The following KLHL3 variants were observed in gnomAD, a reference collection of about 807,000 sequenced individuals.
KLHL3 encodes the protein kelch like family member 3.
Under a neutral mutation model 70.5 loss-of-function variants are expected in KLHL3, and 19 were observed. That is an observed-to-expected ratio of 0.27 (90% confidence interval 0.19 to 0.40). The LOEUF is 0.40. KLHL3 is among the 10% of genes least tolerant of loss of function. The pLI is 1.00. For synonymous variants in KLHL3, 258 were observed against 290.3 expected, an observed-to-expected ratio of 0.89 and a Z score of 1.13; for missense variants, 512 against 771.1, an observed-to-expected ratio of 0.66 and a Z score of 3.98.
Position 137,658,141 on chromosome 5 carries a change from C to A in KLHL3, c.893G>T (p.Ser298Ile), listed in dbSNP as rs769320252. The stretch of plus-strand genomic sequence containing the variant: ...TGGGCTGGGGCTTACCTTGGGAAGG[C>A]TGACTGGAGTCCTGGGCTTGGTCCT... ...NPRTKPRTPV[S>I]LPKVMIVVGG... Residue 298 changes from serine to isoleucine, a missense_variant, in exon 8 of 15, where the codon AGC becomes ATC. Transcript: ENST00000309755. 3.1e-6 allele frequency: 5 copies of A among 1,612,506 alleles called. No individual in the cohort carries two copies. Among genetic ancestry groups the A allele is most frequent in the Non-Finnish European group, 4.2e-6 (5 of 1,179,724 alleles).
chr5:137,706,392 C>A, intron 3 of KLHL3: 1 of 985,212 alleles, frequency 1.0e-6, no homozygotes, highest in African/African-American at 1.7e-5. Context: ...TATCTGTTTA[C>A]CAAGGTTTAG....
At chr5:137,626,889 A>C (rs1010715730) in intron 13 of KLHL3, among the ~76,000 whole-genome samples, 1 of 152,080 alleles carries the variant, frequency 6.6e-6, no homozygotes, top group Non-Finnish European at 1.5e-5. Context: ...CTGTGGTCCC[A>C]CCTACTCAGG....
chr5:137,708,870 C>T (rs368923586), intron 3 of KLHL3, among the ~76,000 whole-genome samples: 6 of 152,224 alleles, frequency 3.9e-5, no homozygotes, highest in African/African-American at 1.4e-4. Flanking sequence ...GGGTGACAGT[C>T]GCCATACTCA....
At chr5:137,678,877 A>G (rs1580754292) in intron 5 of KLHL3, among the ~76,000 whole-genome samples, 1 of 152,104 alleles carries the variant, frequency 6.6e-6, no homozygotes, top group South Asian at 2.1e-4. Context: ...TATGGTCACA[A>G]CTAAAGGTTG....
At chr5:137,692,702 A>C (rs1372701967) in intron 4 of KLHL3, 2 of 440,438 alleles carry the variant, frequency 4.5e-6, no homozygotes, top group Non-Finnish European at 8.3e-6. Context: ...TCTTATTAAA[A>C]TGCAGATTCT....
chr5:137,706,100 T>C lies in KLHL3; in HGVS notation c.241+3650A>G, dbSNP rs572162513. 42 of 985,426 alleles carry C rather than the reference T, an allele frequency of 4.3e-5. No individual in the cohort carries two copies. The African/African-American group carries it at 7.0e-4, about 16-fold the overall frequency. 61.0% of individuals were successfully genotyped at this position (985,426 alleles called of 1,614,324 possible). The stretch of plus-strand genomic sequence containing the variant: ...TGTCCACAGGACAATGGTCAAGAAG[T>C]GTGGGATTGGTATTTGGAACCACCT... On this transcript the variant is annotated intron_variant, in intron 3 of 14. Coordinates refer to ENST00000309755, the MANE Select transcript of KLHL3 (RefSeq NM_017415.3).
intron 3 of KLHL3, among the ~76,000 whole-genome samples, chr5:137,700,379 G>A (rs916870966): frequency 3.3e-5 from 5 of 152,138 alleles, no homozygotes; most frequent in Non-Finnish European, 5.9e-5. Context: ...TAGAGCAGCC[G>A]GACTGTAAGA....
chr5:137,681,676 T>C (rs903529964), intron 5 of KLHL3, among the ~76,000 whole-genome samples: 13 of 152,142 alleles, frequency 8.5e-5, no homozygotes, highest in African/African-American at 2.4e-4. Context: ...AGAGTTATTA[T>C]TGGAGAGTTA....
intron 14 of KLHL3, among the ~76,000 whole-genome samples, chr5:137,622,674 CTAAGAGACCCT>C (rs1750347082): frequency 6.6e-6 from 1 of 152,224 alleles, no homozygotes; most frequent in Admixed American, 6.5e-5. Context: ...CAAATGTCAT[CTAAGAGACCCT>C]GCCAGTGTGA....
intron 11 of KLHL3, among the ~76,000 whole-genome samples, chr5:137,635,822 C>A (rs371883495): frequency 6.6e-6 from 1 of 152,176 alleles, no homozygotes; most frequent in Non-Finnish European, 1.5e-5. Flanking sequence ...ACTTCTTCCA[C>A]ATACAGAACA....
intron 10 of KLHL3, among the ~76,000 whole-genome samples, chr5:137,637,941 G>A (rs1281388651): frequency 6.6e-6 from 1 of 152,160 alleles, no homozygotes; most frequent in Non-Finnish European, 1.5e-5. Flanking sequence ...TTGGCTGGAG[G>A]TATAACAGCC....
At chr5:137,704,709 G>A (rs537416324) in intron 3 of KLHL3, among the ~76,000 whole-genome samples, 21 of 152,252 alleles carry the variant, frequency 1.4e-4, no homozygotes, top group African/African-American at 4.8e-4. Context: ...CTCTATTCCT[G>A]AGCACCACAC....
At position 137,634,178 on chromosome 5, in the gene KLHL3, A is replaced by G. The variant is rs1395284462; in HGVS notation, c.1322-13T>C. ...GCATATAGCTTCCCTGCAATAGACA[A>G]AGTGGCTGAGTGTGGTGCCAGGGAT... On this transcript the variant is annotated splice_polypyrimidine_tract_variant and intron_variant, in intron 11 of 14. Coordinates refer to ENST00000309755, the MANE Select transcript of KLHL3 (RefSeq NM_017415.3). 6.3e-7 allele frequency: 1 copy of G among 1,596,574 alleles called. No individual in the cohort carries two copies. The highest frequency in any genetic ancestry group is 8.5e-7 in the Non-Finnish European group (1 of 1,169,970).
chr5:137,713,182 T>C (rs965782906), intron 2 of KLHL3, among the ~76,000 whole-genome samples: 6 of 145,944 alleles, frequency 4.1e-5, no homozygotes, highest in Admixed American at 3.4e-4. Flanking sequence ...AAAAAGTGTG[T>C]AGCTGGGTGC....
intron 6 of KLHL3, among the ~76,000 whole-genome samples, chr5:137,664,046 A>AT (rs200186248): frequency 1.3e-5 from 2 of 151,906 alleles, no homozygotes; most frequent in Non-Finnish European, 2.9e-5. Flanking sequence ...AATATTCTTA[A>AT]TTTTTTTTTA....
At chr5:137,642,605 A>C (rs1354817744) in intron 8 of KLHL3, among the ~76,000 whole-genome samples, 1 of 152,272 alleles carries the variant, frequency 6.6e-6, no homozygotes. Context: ...GGAATAAAGA[A>C]TACATGAATA....
At chr5:137,664,789 G>GC (rs1333389952) in intron 6 of KLHL3, among the ~76,000 whole-genome samples, 2 of 152,144 alleles carry the variant, frequency 1.3e-5, no homozygotes, top group African/African-American at 4.8e-5. Flanking sequence ...CTGCACTCCA[G>GC]CCCGGGCAAC....
At chr5:137,642,106 T>G (rs1750926848) in intron 8 of KLHL3, among the ~76,000 whole-genome samples, 1 of 152,210 alleles carries the variant, frequency 6.6e-6, no homozygotes, top group Non-Finnish European at 1.5e-5. Context: ...CAGAATGACA[T>G]GTTCGTAAAT....
intron 4 of KLHL3, 30 bp downstream of exon 4, chr5:137,698,257 A>C (rs1432514836): frequency 1.8e-5 from 29 of 1,613,776 alleles, no homozygotes; most frequent in Non-Finnish European, 2.4e-5. Context: ...AGTGTGCAAT[A>C]CACTGAGCTA....
Sources: allele counts gnomAD v4.1 joint callset (sites outside exome capture counted in the v4.1 genomes callset), GRCh38; gene constraint gnomAD v4.1.1; transcripts MANE v1.5; gene names NCBI Gene and HGNC (gene_info 2026-07-23, HGNC 2026-07-21).